Variants in PCDH15 observed in about 807,000 individuals in gnomAD.
PCDH15 encodes protocadherin related 15.
A neutral mutation model predicts 178.5 loss-of-function variants in PCDH15; 129 were observed. The observed-to-expected ratio is 0.72, with a 90% CI of 0.63 to 0.84. PCDH15 has a LOEUF of 0.84. PCDH15 is among the 40% of genes least tolerant of loss of function. PCDH15 has a pLI of 0.00. For missense variants in PCDH15, 2,230 were observed against 2,099.9 expected (o/e 1.06, Z -1.21); for synonymous variants, 800 against 732.0 (o/e 1.09, Z -1.50).
At chr10:54,940,272 G>C (rs1466355192) in intron 2 of PCDH15, among the ~76,000 whole-genome samples, 1 of 151,910 alleles carries the variant, frequency 6.6e-6, no homozygotes, top group Non-Finnish European at 1.5e-5. Flanking sequence ...AATTTCCCTT[G>C]TAAATTCTCT....
chr10:55,365,440 A>G (rs775810130), intron 2 of PCDH15, among the ~76,000 whole-genome samples: 41 of 152,106 alleles, frequency 2.7e-4, no homozygotes, highest in Non-Finnish European at 5.1e-4. Flanking sequence ...GCTTTCTGCA[A>G]ATAACCTTGT....
Position 55,011,303 on chromosome 10 carries a change from A to G in PCDH15, c.-79-113803T>C, listed in dbSNP as rs184981992. On this transcript the variant is annotated intron_variant, in intron 2 of 5. Coordinates refer to the PCDH15 transcript ENST00000458638. ...AAAGAAACATACAAATGACCAAACT[A>G]TCAGTGCTTCTATTTCTGAAATTGA... Among the ~76,000 whole-genome samples, 96 of 152,266 alleles carry G rather than the reference A, an allele frequency of 6.3e-4. 1 individual carries two copies. Among genetic ancestry groups the G allele is most frequent in the African/African-American group, 2.0e-3 (82 of 41,586 alleles).
At chr10:55,270,100 A>T (rs1234283996) in intron 1 of PCDH15, among the ~76,000 whole-genome samples, 1 of 152,014 alleles carries the variant, frequency 6.6e-6, no homozygotes, top group Non-Finnish European at 1.5e-5. Context: ...AATGAACCTG[A>T]CCCCTTACCT....
chr10:54,122,860 C>T (rs1302974185), intron 15 of PCDH15, among the ~76,000 whole-genome samples: 1 of 130,768 alleles, frequency 7.6e-6, no homozygotes, highest in African/African-American at 2.9e-5. Context: ...GCAGGAAGAA[C>T]TACAAAACAC....
chr10:54,300,221 G>A (rs909006293), intron 8 of PCDH15, among the ~76,000 whole-genome samples: 1 of 152,152 alleles, frequency 6.6e-6, no homozygotes, highest in Non-Finnish European at 1.5e-5. Context: ...ACAGGAAAAG[G>A]CTTCTGAAAT....
At chr10:54,150,599 CT>C (rs908332985) in intron 14 of PCDH15, among the ~76,000 whole-genome samples, 39 of 151,566 alleles carry the variant, frequency 2.6e-4, no homozygotes, top group Admixed American at 1.3e-3. Flanking sequence ...TTTACTTGTT[CT>C]TTTTTTCTTG....
At chr10:54,446,581 T>C (rs561458947) in intron 3 of PCDH15, among the ~76,000 whole-genome samples, 66 of 151,778 alleles carry the variant, frequency 4.3e-4, no homozygotes, top group Non-Finnish European at 8.0e-4. Flanking sequence ...TATTTTTTAA[T>C]TGACAAATAA....
At chr10:53,943,318 A>G (rs2086234022) in intron 23 of PCDH15, among the ~76,000 whole-genome samples, 1 of 152,006 alleles carries the variant, frequency 6.6e-6, no homozygotes, top group Non-Finnish European at 1.5e-5. Context: ...TCTACTAAAA[A>G]TATAAAAATT....
intron 3 of PCDH15, among the ~76,000 whole-genome samples, chr10:54,462,198 T>C (rs1394530789): frequency 6.6e-6 from 1 of 152,058 alleles, no homozygotes; most frequent in Non-Finnish European, 1.5e-5. Context: ...TTTTTGTCAA[T>C]GTTGAAAATC....
At chr10:55,475,921 A>T (rs1840054282) in intron 2 of PCDH15, among the ~76,000 whole-genome samples, 1 of 152,110 alleles carries the variant, frequency 6.6e-6, no homozygotes. Flanking sequence ...ATTGGAGAAC[A>T]GAATTAGGCA....
At chr10:55,318,712 T>C (rs1367294499) in intron 1 of PCDH15, among the ~76,000 whole-genome samples, 1 of 152,108 alleles carries the variant, frequency 6.6e-6, no homozygotes, top group Non-Finnish European at 1.5e-5. Flanking sequence ...GAAAGTATAA[T>C]ATCCCAAAAT....
intron 2 of PCDH15, among the ~76,000 whole-genome samples, chr10:55,547,813 G>T (rs1841916291): frequency 6.6e-6 from 1 of 151,796 alleles, no homozygotes; most frequent in Non-Finnish European, 1.5e-5. Context: ...CAGTCACCTT[G>T]TGTGTAGGAG....
chr10:54,247,964 AT>A (rs1310189138), intron 8 of PCDH15, among the ~76,000 whole-genome samples: 7 of 137,948 alleles, frequency 5.1e-5, no homozygotes, highest in African/African-American at 1.9e-4. Context: ...ATATATACAC[AT>A]ACAGTAAATG....
intron 2 of PCDH15, among the ~76,000 whole-genome samples, chr10:54,900,731 C>G (rs534846652): frequency 9.9e-5 from 15 of 152,256 alleles, no homozygotes; most frequent in African/African-American, 3.1e-4. Context: ...AATTTCACTA[C>G]TGAATAGGAG....
At chr10:54,531,493 A>C (rs1385092407) in intron 2 of PCDH15, among the ~76,000 whole-genome samples, 1 of 152,168 alleles carries the variant, frequency 6.6e-6, no homozygotes, top group African/African-American at 2.4e-5. Context: ...TTGTCATTGT[A>C]GCCTGAATTT....
chr10:55,471,790 G>GT (rs1839960451), intron 2 of PCDH15, among the ~76,000 whole-genome samples: 1 of 152,184 alleles, frequency 6.6e-6, no homozygotes, highest in African/African-American at 2.4e-5. Context: ...ACTTGCAACT[G>GT]TGAGATACAG....
At chr10:54,626,953 G>A (rs2093570866) in intron 2 of PCDH15, among the ~76,000 whole-genome samples, 1 of 152,206 alleles carries the variant, frequency 6.6e-6, no homozygotes, top group African/African-American at 2.4e-5. Flanking sequence ...TGACCTGGAT[G>A]TGAGACATGG....
intron 2 of PCDH15, among the ~76,000 whole-genome samples, chr10:55,360,397 T>C (rs898459689): frequency 2.0e-5 from 3 of 151,580 alleles, no homozygotes; most frequent in African/African-American, 7.3e-5. Flanking sequence ...AGGAGAAAAA[T>C]CAATTAATTG....
At chr10:54,995,632 C>CG (rs1021824459) in intron 2 of PCDH15, among the ~76,000 whole-genome samples, 5 of 150,802 alleles carry the variant, frequency 3.3e-5, no homozygotes, top group African/African-American at 1.2e-4. Context: ...TTAACCCTCC[C>CG]CCCCACGCCC....
Sources: gnomAD v4.1 joint callset for allele counts (sites outside exome capture counted in the v4.1 genomes callset) on GRCh38, gnomAD v4.1.1 for gene constraint, MANE v1.5 for transcripts, NCBI Gene and HGNC (gene_info 2026-07-23, HGNC 2026-07-21) for gene names.